The following ADGRL1 variants were observed in gnomAD, a reference collection of about 807,000 sequenced individuals.
The protein encoded by ADGRL1 is adhesion G protein-coupled receptor L1.
In ADGRL1, 31 loss-of-function variants were observed where a neutral mutation model predicts 148.9. That is an observed-to-expected ratio of 0.21 (90% CI 0.16 to 0.28). The LOEUF (loss-of-function observed/expected upper bound fraction) is 0.28. ADGRL1 is among the 10% of genes least tolerant of loss of function. The pLI is 1.00. For synonymous variants in ADGRL1, 937 were observed against 900.3 expected (o/e 1.04, Z -0.73); for missense variants, 1,521 against 2,058.8 (o/e 0.74, Z 5.05).
In ADGRL1 at chr19:14,160,942, C is replaced by T. The variant is rs1309240468; in HGVS notation, c.1511-246G>A. Among the ~76,000 whole-genome samples the T allele has an allele frequency of 6.6e-6, 1 of 152,176 alleles. No individual in the cohort carries two copies. The highest frequency in any genetic ancestry group is 2.4e-5 in the African/African-American group (1 of 41,438). Reference sequence around the variant, plus strand: ...CCAGAGTTAGAACCTTCCAGCAAGGCCCATCTTGAACGCCCCCTCTCCACG... The same window carrying T: ...CCAGAGTTAGAACCTTCCAGCAAGGTCCATCTTGAACGCCCCCTCTCCACG... On this transcript the variant is annotated intron_variant, in intron 6 of 22. Coordinates refer to ENST00000361434, the MANE Select transcript of ADGRL1 (RefSeq NM_014921.5). The surrounding 1 kb of genome is among the most constrained non-coding windows in gnomAD (Gnocchi z 5.9).
rs1363344998 is a variant in ADGRL1, at chr19:14,152,345, A to G, written c.3613T>C (p.Phe1205Leu). ...AAGACAGGGGGCGAGGAGGGATTGA[A>G]GCCCACTGACTCGGCGATGAGGGTG... ...YNTLIAESVG[F>L]NPSSPPVFNS... The change falls in exon 21 of 23, where the codon TTC becomes CTC. Residue 1205 changes from phenylalanine (F) to leucine (L), a missense_variant. Phe to Leu is a conservative substitution (Grantham distance 22). Coordinates refer to ENST00000361434, the MANE Select transcript of ADGRL1 (RefSeq NM_014921.5). This position sits in a 1 kb window ranked among gnomAD's most constrained non-coding sequence, Gnocchi z 6.1. The G allele has an allele frequency of 1.9e-6, 3 of 1,598,954 alleles. No homozygotes were observed. The highest frequency in any genetic ancestry group is 2.6e-6 in the Non-Finnish European group (3 of 1,170,698).
At chr19:14,175,444 TCA>T (rs1970755703) in intron 3 of ADGRL1, among the ~76,000 whole-genome samples, 1 of 124,520 alleles carries the variant, frequency 8.0e-6, no homozygotes, top group Non-Finnish European at 1.6e-5. Flanking sequence ...AACACACACC[TCA>T]GTCAGCCACA....
At position 14,159,579 on chromosome 19, in the gene ADGRL1, C is replaced by T. The variant is rs1384442054; in HGVS notation, c.1845G>A (p.Val615=). ...ERTCKDYIKA[V]VETVDNLLRP... is the part of the protein sequence containing the mutation. ...GGAGCAGATTGTCCACTGTCTCCAC[C>T]ACGGCCTGCACAGGCAGAGGGCATG... The change falls in exon 10 of 23, where the codon GTG becomes GTA. Residue 615 remains valine, a synonymous_variant. Coordinates refer to ENST00000361434, the MANE Select transcript of ADGRL1 (RefSeq NM_014921.5). The surrounding 1 kb of genome is among the most constrained non-coding windows in gnomAD (Gnocchi z 6.0). The T allele has an allele frequency of 1.9e-6, 3 of 1,595,982 alleles. No homozygotes were observed. In the East Asian group the frequency reaches 6.7e-5, roughly 36 times the overall value.
Position 14,160,723 on chromosome 19 carries a change from A to C in ADGRL1, c.1511-27T>G. 2 of 1,362,826 alleles carry C rather than the reference A, an allele frequency of 1.5e-6. No individual in the cohort carries two copies. Among genetic ancestry groups the C allele is most frequent in the Non-Finnish European group, 2.1e-6 (2 of 954,430 alleles). 84.4% of individuals were successfully genotyped at this position (1,362,826 alleles called of 1,614,324 possible). A position where few individuals can be genotyped will look rare whatever the true frequency, so the allele number is the denominator to read the frequency against. Reference sequence around the variant, plus strand: ...TGCAGGGACAGACAGACAGGAACAGACAAGGGAGCCAAAGGGAAGAAGAGA... The same window carrying C: ...TGCAGGGACAGACAGACAGGAACAGCCAAGGGAGCCAAAGGGAAGAAGAGA... On this transcript the variant is annotated intron_variant, in intron 6 of 22. Transcript: ENST00000361434. The surrounding 1 kb of genome is among the most constrained non-coding windows in gnomAD (Gnocchi z 5.9).
rs1968842482 is a variant in ADGRL1 at position 14,157,089 on chromosome 19, G to A, written c.2802C>T (p.Ser934=). 6.2e-7 allele frequency: 1 copy of A among 1,614,030 alleles called. No homozygotes were observed. Among genetic ancestry groups the A allele is most frequent in the Non-Finnish European group, 8.5e-7 (1 of 1,180,028 alleles). ...LLHYFFLAAF[S]WLCLEGVHLY... is the part of the protein sequence containing the mutation. ...GGTGCACGCCCTCCAGGCACAGCCAGGAGAAGGCAGCCAGGAAGAAATAGT... is the reference window on the plus strand; with the variant it reads ...GGTGCACGCCCTCCAGGCACAGCCAAGAGAAGGCAGCCAGGAAGAAATAGT... The change falls in exon 15 of 23, where the codon TCC becomes TCT. Residue 934 remains serine (S), a synonymous_variant. Coordinates refer to ENST00000361434, the MANE Select transcript of ADGRL1 (RefSeq NM_014921.5). This position sits in a 1 kb window ranked among gnomAD's most constrained non-coding sequence, Gnocchi z 7.5.
chr19:14,167,759 A>G (rs1001192212), intron 4 of ADGRL1, among the ~76,000 whole-genome samples: 43 of 147,452 alleles, frequency 2.9e-4, no homozygotes, highest in African/African-American at 9.7e-4. Flanking sequence ...AGACGGAGGC[A>G]GAGAGGTGGC....
chr19:14,189,611 C>T, intron 1 of ADGRL1, among the ~76,000 whole-genome samples: 1 of 152,136 alleles, frequency 6.6e-6, no homozygotes, highest in Non-Finnish European at 1.5e-5. Flanking sequence ...AGCTTCATTC[C>T]GTTTTATGGC....
At position 14,152,302 on chromosome 19, in the gene ADGRL1, C is replaced by T. The variant is rs182232002; in HGVS notation, c.3649+7G>A. 5.6e-6 allele frequency: 9 copies of T among 1,601,742 alleles called. No homozygotes were observed. The Admixed American group carries it at 8.4e-5, about 15-fold the overall frequency. On this transcript the variant is annotated splice_region_variant and intron_variant, in intron 21 of 22. Coordinates refer to ENST00000361434, the MANE Select transcript of ADGRL1 (RefSeq NM_014921.5). This position sits in a 1 kb window ranked among gnomAD's most constrained non-coding sequence, Gnocchi z 6.1. ...CCCAACCTGGGATGTTTCCCCCGTG[C>T]TCTCACCTGGGGAGTTGAAGACAGG...
At chr19:14,184,305 A>C (rs1291150580) in intron 1 of ADGRL1, among the ~76,000 whole-genome samples, 2 of 151,972 alleles carry the variant, frequency 1.3e-5, no homozygotes, top group African/African-American at 4.8e-5. Context: ...TGGGAGGCGG[A>C]CACTGCCTCC....
chr19:14,164,894 C>T (rs1222361889), intron 4 of ADGRL1, among the ~76,000 whole-genome samples: 6 of 152,156 alleles, frequency 3.9e-5, no homozygotes, highest in African/African-American at 1.4e-4. Context: ...TCCCTCACCT[C>T]CTGGCTGGCA....
chr19:14,150,548 T>A lies in ADGRL1; in HGVS notation c.*325A>T, dbSNP rs1327350418. On this transcript the variant is annotated 3_prime_UTR_variant, in exon 23 of 23. Transcript: ENST00000361434. ...CATTTCCCTTCACAGGGTAGAAGGG[T>A]GGGAGAGGGGAGAGTCTGGAAGTGG... 6.0e-6 allele frequency: 2 copies of A among 332,566 alleles called. No homozygotes were observed. Among genetic ancestry groups the A allele is most frequent in the African/African-American group, 4.3e-5 (2 of 46,488 alleles). 20.6% of individuals were successfully genotyped at this position (332,566 alleles called of 1,614,324 possible). A position where few individuals can be genotyped will look rare whatever the true frequency, so the allele number is the denominator to read the frequency against.
At position 14,155,885 on chromosome 19, in the gene ADGRL1, C is replaced by CCGAT. The variant is rs1968675558; in HGVS notation, c.3125+221_3125+224dup. The CCGAT allele has an allele frequency of 8.0e-5, 47 of 588,688 alleles. 2 individuals carry two copies. The South Asian group carries it at 9.5e-4, about 12-fold the overall frequency. 36.5% of individuals were successfully genotyped at this position (588,688 alleles called of 1,614,324 possible). A position where few individuals can be genotyped will look rare whatever the true frequency, so the allele number is the denominator to read the frequency against. On this transcript the variant is annotated intron_variant, in intron 17 of 22. Transcript: ENST00000361434. The surrounding 1 kb of genome is among the most constrained non-coding windows in gnomAD (Gnocchi z 5.0). Reference sequence around the variant, plus strand: ...TTTGAATTTAGCCTCAGCCTACATACCGATGCCCCTAAAACCACAGGTTGG... The same window carrying CCGAT: ...TTTGAATTTAGCCTCAGCCTACATACCGATCGATGCCCCTAAAACCACAGGTTGG...
chr19:14,186,854 T>C (rs2145062376), intron 1 of ADGRL1, among the ~76,000 whole-genome samples: 1 of 152,314 alleles, frequency 6.6e-6, no homozygotes. Flanking sequence ...CGGCTGCGGC[T>C]GCTCATTGTT....
At chr19:14,189,474 C>T (rs1186533044) in intron 1 of ADGRL1, among the ~76,000 whole-genome samples, 1 of 152,164 alleles carries the variant, frequency 6.6e-6, no homozygotes, top group African/African-American at 2.4e-5. Context: ...AAGTGATCTG[C>T]CCATCTTGGC....
At chr19:14,177,813 C>A in intron 2 of ADGRL1, 69 bp from the exon 3 acceptor site, 1 of 1,385,408 alleles carries the variant, frequency 7.2e-7, no homozygotes, top group Non-Finnish European at 1.0e-6. Flanking sequence ...TACCCACTGC[C>A]AAGAAAACAC....
intron 1 of ADGRL1, among the ~76,000 whole-genome samples, chr19:14,203,023 C>T (rs1357632812): frequency 6.6e-6 from 1 of 152,176 alleles, no homozygotes; most frequent in Non-Finnish European, 1.5e-5. Context: ...TCTACTTGGC[C>T]TCCCACCTCA....
chr19:14,158,498 G>A lies in ADGRL1; in HGVS notation c.2204C>T (p.Thr735Met), dbSNP rs1317471210. ...GGCCAGCTTCACTGTGGCATTCTCCGTGGACAGGAAGAGGCCCAGGTTGTT... is the reference window on the plus strand; with the variant it reads ...GGCCAGCTTCACTGTGGCATTCTCCATGGACAGGAAGAGGCCCAGGTTGTT... ...LYNNLGLFLSTENATVKLAGE... is the reference protein window; with the variant it reads ...LYNNLGLFLSMENATVKLAGE... Residue 735 changes from threonine (T) to methionine (M), a missense_variant, in exon 12 of 23, where the codon ACG becomes ATG. Thr to Met is a moderately conservative substitution (Grantham distance 81). Transcript: ENST00000361434. The A allele has an allele frequency of 1.9e-5, 31 of 1,613,972 alleles. No homozygotes were observed. The highest frequency in any genetic ancestry group is 2.4e-5 in the Non-Finnish European group (28 of 1,180,038).
At position 14,157,018 on chromosome 19, in the gene ADGRL1, G is replaced by A; in HGVS notation, c.2873C>T (p.Thr958Ile). ...VEVFESEYSRTKYYYLGGYCF... is the reference protein window; with the variant it reads ...VEVFESEYSRIKYYYLGGYCF... ...GTAGCCACCCAGGTAGTAGTACTTGGTGCGGGAATACTCGCTCTCAAACAC... is the reference window on the plus strand; with the variant it reads ...GTAGCCACCCAGGTAGTAGTACTTGATGCGGGAATACTCGCTCTCAAACAC... The change falls in exon 15 of 23, where the codon ACC (threonine) becomes ATC (isoleucine). Residue 958 changes from threonine (T) to isoleucine (I), a missense_variant. Coordinates refer to ENST00000361434, the MANE Select transcript of ADGRL1 (RefSeq NM_014921.5). This position sits in a 1 kb window ranked among gnomAD's most constrained non-coding sequence, Gnocchi z 7.5. 6.2e-7 allele frequency: 1 copy of A among 1,613,988 alleles called. No homozygotes were observed. Among genetic ancestry groups the A allele is most frequent in the African/African-American group, 1.3e-5 (1 of 75,016 alleles).
intron 1 of ADGRL1, among the ~76,000 whole-genome samples, chr19:14,194,980 G>A (rs1444628494): frequency 1.3e-5 from 2 of 151,426 alleles, no homozygotes; most frequent in Non-Finnish European, 1.5e-5. Context: ...ATCCTCCCAG[G>A]CTCAAGTGAT....
Sources: allele counts gnomAD v4.1 joint callset (sites outside exome capture counted in the v4.1 genomes callset), GRCh38; gene constraint gnomAD v4.1.1; non-coding constraint Gnocchi (gnomAD v3.1); transcripts MANE v1.5; gene names NCBI Gene and HGNC (gene_info 2026-07-23, HGNC 2026-07-21).